The following SPEG variants were observed in gnomAD, a reference collection of about 807,000 sequenced individuals.
SPEG encodes the protein striated muscle enriched protein kinase.
Under a neutral mutation model 300.4 loss-of-function variants are expected in SPEG, and 114 were observed. The observed-to-expected ratio is 0.38, with a 90% confidence interval of 0.33 to 0.44. The LOEUF (loss-of-function observed/expected upper bound fraction) is 0.44, where lower values mean the gene tolerates loss of function less well. Ranked by LOEUF, SPEG falls within the 20% of genes least tolerant of loss-of-function variation. The probability of loss-of-function intolerance (pLI) is 1.00; values close to 1 mark genes in which losing one functional copy is unlikely to be tolerated. For missense variants in SPEG, 4,201 were observed against 4,586.2 expected, an observed-to-expected ratio of 0.92 and a Z score of 2.43; for synonymous variants, 1,964 against 2,018.9, an observed-to-expected ratio of 0.97 and a Z score of 0.73.
At chr2:219,455,688 G>A (rs1276881358) in intron 6 of SPEG, among the ~76,000 whole-genome samples, 1 of 152,188 alleles carries the variant, frequency 6.6e-6, no homozygotes, top group Non-Finnish European at 1.5e-5. Context: ...GAGCTCATGA[G>A]CTCACTGGGA....
rs1188878441 is a variant in SPEG at position 219,480,844 on chromosome 2, T to G, written c.5369+147T>G. 2 of 765,002 alleles carry G rather than the reference T, an allele frequency of 2.6e-6. No individual in the cohort carries two copies. The highest frequency in any genetic ancestry group is 2.6e-5 in the East Asian group (1 of 38,370). 47.4% of individuals were successfully genotyped at this position (765,002 alleles called of 1,614,324 possible). On this transcript the variant is annotated intron_variant, in intron 26 of 40. Transcript: ENST00000312358. The surrounding 1 kb of genome is among the most constrained non-coding windows in gnomAD (Gnocchi z 5.3). ...TCATGTGCATGAAGGTGGACACCCC[T>G]GTCTGCATGCCCACACTCTGCCTGT...
intron 22 of SPEG, 70 bp downstream of exon 22, chr2:219,478,175 GCAA>G: frequency 7.4e-7 from 1 of 1,350,968 alleles, no homozygotes; most frequent in Non-Finnish European, 1.0e-6. Context: ...CATCCAATAG[GCAA>G]CATGTTTTAC....
rs1559408295 is a variant in SPEG at position 219,477,005 on chromosome 2, G to A, written c.4560+23G>A. ...AAGGTCAGAGTGTGCTGCTGGCTGA[G>A]CCTGGGGGAGGGAGGAGGGGCTCCC... On this transcript the variant is annotated intron_variant, in intron 19 of 40. Coordinates refer to ENST00000312358, the MANE Select transcript of SPEG (RefSeq NM_005876.5). The surrounding 1 kb of genome is among the most constrained non-coding windows in gnomAD (Gnocchi z 6.4). 3 of 1,576,870 alleles carry A rather than the reference G, an allele frequency of 1.9e-6. No individual in the cohort carries two copies. The highest frequency in any genetic ancestry group is 1.7e-6 in the Non-Finnish European group (2 of 1,156,208).
Position 219,492,838 on chromosome 2 carries a change from C to A in SPEG, c.*52C>A. ...GCTTCAACTGGGGTTCCCACCAATG[C>A]CACGGGACATTCCAGGGCCCACGCT... is the stretch of plus-strand genomic sequence containing the variant. On this transcript the variant is annotated 3_prime_UTR_variant, in exon 41 of 41. Transcript: ENST00000312358. 2.0e-6 allele frequency: 3 copies of A among 1,513,208 alleles called. No individual in the cohort carries two copies. Among genetic ancestry groups the A allele is most frequent in the African/African-American group, 1.4e-5 (1 of 72,782 alleles). The allele number at this position is 1,513,208 out of a possible 1,614,324, so 93.7% of individuals were successfully genotyped here.
At chr2:219,442,779 G>A (rs1237225646) in intron 1 of SPEG, among the ~76,000 whole-genome samples, 1 of 141,802 alleles carries the variant, frequency 7.1e-6, no homozygotes, top group African/African-American at 2.7e-5. Flanking sequence ...TCTTTCTCTC[G>A]GGCTGTTGCC....
At chr2:219,465,967 G>A in intron 9 of SPEG, 4 of 1,124,776 alleles carry the variant, frequency 3.6e-6, no homozygotes, top group Middle Eastern at 3.9e-4. Context: ...GCGTGTGCAT[G>A]CGTGTGTGTG....
Position 219,471,989 on chromosome 2 carries a change from T to C in SPEG, c.3835+2T>C. On this transcript the variant is annotated splice_donor_variant, in intron 14 of 40. Transcript: ENST00000312358. LOFTEE classifies it high-confidence loss of function. ...GCTATGCCCACCTGTATGTCACAGG[T>C]GAGGCAGGCACCCTCGTGGTCAGCT... 1 of 1,611,630 alleles carries C rather than the reference T, an allele frequency of 6.2e-7. No homozygotes were observed.
intron 10 of SPEG, among the ~76,000 whole-genome samples, chr2:219,467,899 A>C (rs1052657867): frequency 7.9e-5 from 12 of 152,242 alleles, no homozygotes. Context: ...AGCATTCCAG[A>C]AATGGGTTTC....
chr2:219,489,369 A>T lies in SPEG; in HGVS notation c.8351A>T (p.Glu2784Val). Reference protein sequence around the residue: ...SSAVPSAAHQEAPVTSRPARA... With the variant: ...SSAVPSAAHQVAPVTSRPARA... Reference sequence around the variant, plus strand: ...GCTGTGCCATCTGCTGCCCACCAAGAGGCCCCTGTCACCTCAAGGCCAGCC... The same window carrying T: ...GCTGTGCCATCTGCTGCCCACCAAGTGGCCCCTGTCACCTCAAGGCCAGCC... Residue 2784 changes from glutamate to valine, a missense_variant, in exon 36 of 41, where the codon GAG (glutamate) becomes GTG (valine). Coordinates refer to ENST00000312358, the MANE Select transcript of SPEG (RefSeq NM_005876.5). 6.2e-7 allele frequency: 1 copy of T among 1,613,218 alleles called. No homozygotes were observed. Among genetic ancestry groups the T allele is most frequent in the Non-Finnish European group, 8.5e-7 (1 of 1,179,764 alleles).
At position 219,472,893 on chromosome 2, in the gene SPEG, C is replaced by A. The variant is rs746765446; in HGVS notation, c.3944C>A (p.Pro1315Gln). The A allele has an allele frequency of 6.3e-7, 1 of 1,579,426 alleles. No individual in the cohort carries two copies. The highest frequency in any genetic ancestry group is 1.3e-5 in the African/African-American group (1 of 74,146). Reference sequence around the variant, plus strand: ...CTAGTAGCTCCTCTCCCGCCAGACCCGGACTCCCTGACGTACACAGTGCAG... The same window carrying A: ...CTAGTAGCTCCTCTCCCGCCAGACCAGGACTCCCTGACGTACACAGTGCAG... ...PPRSLDMAID[P>Q]DSLTYTVQHQ... The change falls in exon 16 of 41, where the codon CCG (proline) becomes CAG (glutamine). Residue 1315 changes from proline (P) to glutamine (Q), a missense_variant. Coordinates refer to ENST00000312358, the MANE Select transcript of SPEG (RefSeq NM_005876.5).
At position 219,471,997 on chromosome 2, in the gene SPEG, G is replaced by T. The variant is rs908408769; in HGVS notation, c.3835+10G>T. 6.2e-7 allele frequency: 1 copy of T among 1,610,176 alleles called. No homozygotes were observed. The highest frequency in any genetic ancestry group is 8.5e-7 in the Non-Finnish European group (1 of 1,179,900). ...CACCTGTATGTCACAGGTGAGGCAG[G>T]CACCCTCGTGGTCAGCTGCACGCAC... On this transcript the variant is annotated intron_variant, in intron 14 of 40. Transcript: ENST00000312358.
In SPEG at chr2:219,493,606, A is replaced by G. The variant is rs1316458814; in HGVS notation, c.*820A>G. The G allele has an allele frequency of 2.2e-6, 1 of 463,324 alleles. No homozygotes were observed. The highest frequency in any genetic ancestry group is 1.5e-5 in the South Asian group (1 of 65,068). 28.7% of individuals were successfully genotyped at this position (463,324 alleles called of 1,614,324 possible). ...TCCAGCTGTCTGTCTGTCTGCCACA[A>G]GGAAATAAAAATGGCAAGCAGCATA... On this transcript the variant is annotated 3_prime_UTR_variant, in exon 41 of 41. Transcript: ENST00000312358.
chr2:219,473,797 C>T lies in SPEG; in HGVS notation c.4341C>T (p.Tyr1447=). 2.5e-6 allele frequency: 4 copies of T among 1,614,030 alleles called. No homozygotes were observed. The highest frequency in any genetic ancestry group is 3.4e-6 in the Non-Finnish European group (4 of 1,180,040). The change falls in exon 18 of 41, where the codon TAC becomes TAT. Residue 1447 remains tyrosine (Y), a synonymous_variant. Transcript: ENST00000312358. This position sits in a 1 kb window ranked among gnomAD's most constrained non-coding sequence, Gnocchi z 4.6. The stretch of plus-strand genomic sequence containing the variant: ...TGAGCCAGCCAGATGATGACCAGTA[C>T]TGTCTTCGGATCTGCCGGGTGAGCC... ...YELSQPDDDQ[Y]CLRICRVSRR...
At chr2:219,461,789 C>A in intron 6 of SPEG, 93 bp from the exon 7 acceptor site, 1 of 1,351,282 alleles carries the variant, frequency 7.4e-7, no homozygotes, top group Non-Finnish European at 1.0e-6. Context: ...CGGGGAGCTG[C>A]CGCAACTCCT....
rs758135038 is a variant in SPEG at position 219,481,472 on chromosome 2, T to C, written c.5522+16T>C. ...AGGACCGGCTGTGAGTACAAGGCCC[T>C]GGGAGCCCCCACCTGCAGGGTCACC... On this transcript the variant is annotated intron_variant, in intron 27 of 40. Coordinates refer to ENST00000312358, the MANE Select transcript of SPEG (RefSeq NM_005876.5). This position sits in a 1 kb window ranked among gnomAD's most constrained non-coding sequence, Gnocchi z 5.4. 227 of 1,613,192 alleles carry C rather than the reference T, an allele frequency of 1.4e-4. 1 individual carries two copies. The highest frequency in any genetic ancestry group is 4.3e-4 in the Admixed American group (26 of 59,970).
chr2:219,451,111 AC>A lies in SPEG; in HGVS notation c.2114-21del. 1.3e-6 allele frequency: 2 copies of A among 1,589,650 alleles called. No homozygotes were observed. The highest frequency in any genetic ancestry group is 1.2e-5 in the South Asian group (1 of 86,834). ...ATCCCTGCAGGGATCATGGCCCCTT[AC>A]CCCGTTATTCCTGTGTCCGGCAGAG... is the stretch of plus-strand genomic sequence containing the variant. On this transcript the variant is annotated intron_variant, in intron 4 of 40. Transcript: ENST00000312358. The surrounding 1 kb of genome is among the most constrained non-coding windows in gnomAD (Gnocchi z 6.4).
At chr2:219,447,187 CTGAGT>C (rs1689362740) in intron 3 of SPEG, among the ~76,000 whole-genome samples, 1 of 143,332 alleles carries the variant, frequency 7.0e-6, no homozygotes, top group African/African-American at 2.6e-5. Context: ...TATTTCTGAG[CTGAGT>C]TATTTCAGAG....
In SPEG at chr2:219,484,737, G is replaced by A; in HGVS notation, c.7274G>A (p.Arg2425His). The change falls in exon 30 of 41, where the codon CGC (arginine) becomes CAC (histidine). Residue 2425 changes from arginine (R) to histidine (H), a missense_variant. Arg to His is a conservative substitution (Grantham distance 29, BLOSUM62 0). Transcript: ENST00000312358. ...QRLRRTPPAQ[R>H]HPAWEARGGD... ...CTGCGGCGGACCCCTCCCGCGCAGC[G>A]CCACCCGGCCTGGGAGGCCCGCGGC... 3 of 1,481,620 alleles carry A rather than the reference G, an allele frequency of 2.0e-6. No individual in the cohort carries two copies. The highest frequency in any genetic ancestry group is 2.6e-5 in the South Asian group (2 of 76,870). The allele number at this position is 1,481,620 out of a possible 1,614,324, so 91.8% of individuals were successfully genotyped here.
rs1363184404 is a variant in SPEG, at chr2:219,492,651, G to A, written c.9669G>A (p.Leu3223=). 1 of 1,611,298 alleles carries A rather than the reference G, an allele frequency of 6.2e-7. No homozygotes were observed. The highest frequency in any genetic ancestry group is 1.7e-5 in the Admixed American group (1 of 60,024). ...LAHPWLQDAY[L]MKLRRQTLTF... ...ACCCATGGTTGCAGGACGCCTACCT[G>A]ATGAAGCTGCGCCGCCAGACGCTCA... Residue 3223 remains leucine (L), a synonymous_variant, in exon 41 of 41, where the codon CTG becomes CTA. Coordinates refer to ENST00000312358, the MANE Select transcript of SPEG (RefSeq NM_005876.5).
Sources: gnomAD v4.1 joint callset for allele counts (sites outside exome capture counted in the v4.1 genomes callset) on GRCh38, gnomAD v4.1.1 for gene constraint, Gnocchi (gnomAD v3.1) non-coding constraint, MANE v1.5 for transcripts, NCBI Gene and HGNC (gene_info 2026-07-23, HGNC 2026-07-21) for gene names.